The following TTLL1 variants were observed in gnomAD, a reference collection of about 807,000 sequenced individuals.
The protein encoded by TTLL1 is polyglutamylase complex subunit TTLL1.
TTLL1 carries 33 observed loss-of-function variants against 47.8 expected under a neutral mutation model. That is an observed-to-expected ratio of 0.69 (90% CI 0.52 to 0.92). TTLL1 has a LOEUF of 0.92. TTLL1 is among the 40% of genes least tolerant of loss of function. The pLI is 0.00. For synonymous variants in TTLL1, 225 were observed against 214.1 expected, an observed-to-expected ratio of 1.05 and a Z score of -0.45; for missense variants, 488 against 547.5, an observed-to-expected ratio of 0.89 and a Z score of 1.08.
At chr22:43,088,324 CTTTTTTTTTTTTT>C (rs1167618669) in intron 1 of TTLL1, among the ~76,000 whole-genome samples, 708 of 56,506 alleles carry the variant, frequency 0.013, 16 homozygotes, top group African/African-American at 0.046. Flanking sequence ...AAGGGCCCAT[CTTTTTTTTTTTTT>C]TTTTTTTTTT....
chr22:43,054,646 A>G (rs1466937500), intron 8 of TTLL1, among the ~76,000 whole-genome samples: 1 of 148,700 alleles, frequency 6.7e-6, no homozygotes, highest in Non-Finnish European at 1.5e-5. Flanking sequence ...CTGGTCTCGA[A>G]CTCCTGACCT....
In TTLL1 at chr22:43,085,266, G is replaced by A. The variant is rs144911447; in HGVS notation, c.-90+4011C>T. Among the ~76,000 whole-genome samples, 333 of 152,250 alleles carry A rather than the reference G, an allele frequency of 2.2e-3. 2 individuals carry two copies. The highest frequency in any genetic ancestry group is 7.7e-3 in the African/African-American group (319 of 41,542). On this transcript the variant is annotated intron_variant, in intron 1 of 10. Transcript: ENST00000266254. ...GCTGGGATTACAGGTGTGAGCCACC[G>A]CGCCTGGCAAAGCTACCACTTATTA...
At chr22:43,076,057 G>T (rs1015039031) in intron 2 of TTLL1, among the ~76,000 whole-genome samples, 5 of 152,196 alleles carry the variant, frequency 3.3e-5, no homozygotes, top group Non-Finnish European at 7.3e-5. Context: ...CCCTCGGGCC[G>T]ACTTCCGATG....
chr22:43,063,343 T>A (rs1927508715), intron 7 of TTLL1, among the ~76,000 whole-genome samples: 2 of 152,164 alleles, frequency 1.3e-5, no homozygotes, highest in South Asian at 4.1e-4. Context: ...GCCCGCCTGA[T>A]GCCTAGAGCC....
At chr22:43,073,600 C>A (rs1331169414) in intron 3 of TTLL1, among the ~76,000 whole-genome samples, 2 of 151,878 alleles carry the variant, frequency 1.3e-5, no homozygotes, top group African/African-American at 2.4e-5. Flanking sequence ...AGGTGATGCA[C>A]CCGCCTTGGC....
At chr22:43,066,028 G>A (rs947494470) in intron 5 of TTLL1, among the ~76,000 whole-genome samples, 6 of 151,806 alleles carry the variant, frequency 4.0e-5, no homozygotes, top group African/African-American at 1.2e-4. Flanking sequence ...GTGTGGTGGC[G>A]GGTGCCTGTA....
intron 10 of TTLL1, among the ~76,000 whole-genome samples, chr22:43,043,593 C>T (rs568310114): frequency 8.5e-5 from 13 of 152,140 alleles, no homozygotes; most frequent in African/African-American, 2.4e-4. Context: ...CTGTGGGCTC[C>T]GGAACTCTCT....
At chr22:43,060,212 G>C (rs991838164) in intron 7 of TTLL1, among the ~76,000 whole-genome samples, 1 of 152,160 alleles carries the variant, frequency 6.6e-6, no homozygotes, top group Non-Finnish European at 1.5e-5. Flanking sequence ...GAGTGCTGCC[G>C]GGATACCCTT....
intron 2 of TTLL1, among the ~76,000 whole-genome samples, chr22:43,079,548 C>G (rs1342765358): frequency 6.6e-6 from 1 of 152,228 alleles, no homozygotes; most frequent in Non-Finnish European, 1.5e-5. Flanking sequence ...GGACCACCCC[C>G]CAACCACCGC....
rs1164726607 is a variant in TTLL1 at position 43,064,281 on chromosome 22, AG to A, written c.546del (p.Tyr183IlefsTer7). On this transcript the variant is annotated frameshift_variant, in exon 6 of 11. Transcript: ENST00000266254. LOFTEE classifies it high-confidence loss of function. ...QSNKEAYVIS[L>X]YINNPLLIGG... ...CCAATTAGTAACGGGTTGTTAATAT[AG>A]AGAGAGATCACGTAGGCTTCCTTAT... The A allele has an allele frequency of 6.2e-7, 1 of 1,614,114 alleles. No individual in the cohort carries two copies. The highest frequency in any genetic ancestry group is 2.2e-5 in the East Asian group (1 of 44,888).
At chr22:43,056,543 G>A (rs1927025023) in intron 8 of TTLL1, among the ~76,000 whole-genome samples, 2 of 149,936 alleles carry the variant, frequency 1.3e-5, no homozygotes, top group South Asian at 4.2e-4. Context: ...AGCACTTTTG[G>A]GAGGTCCAGG....
chr22:43,077,096 A>G (rs1206227960), intron 2 of TTLL1, among the ~76,000 whole-genome samples: 2 of 151,814 alleles, frequency 1.3e-5, no homozygotes, highest in Middle Eastern at 3.4e-3. Flanking sequence ...GTGAGACTCC[A>G]CCTCAAAAAA....
intron 7 of TTLL1, among the ~76,000 whole-genome samples, chr22:43,060,847 A>G (rs1927345013): frequency 1.3e-5 from 2 of 152,224 alleles, no homozygotes; most frequent in Non-Finnish European, 2.9e-5. Flanking sequence ...CCAGCCTACT[A>G]ACTCTTCGAG....
intron 8 of TTLL1, among the ~76,000 whole-genome samples, chr22:43,053,628 C>T (rs995334784): frequency 1.6e-4 from 24 of 152,192 alleles, no homozygotes; most frequent in African/African-American, 5.5e-4. Flanking sequence ...GCACCAGGCC[C>T]CTCCCATGTG....
At chr22:43,077,454 T>C (rs1928582592) in intron 2 of TTLL1, among the ~76,000 whole-genome samples, 1 of 152,196 alleles carries the variant, frequency 6.6e-6, no homozygotes, top group Non-Finnish European at 1.5e-5. Flanking sequence ...TGGAGCTCTG[T>C]ATCAAGCATC....
At position 43,051,917 on chromosome 22, in the gene TTLL1, G is replaced by A. The variant is rs1182112029; in HGVS notation, c.892-30C>T. The A allele has an allele frequency of 3.1e-6, 5 of 1,607,836 alleles. No individual in the cohort carries two copies. The African/African-American group carries it at 4.0e-5, about 13-fold the overall frequency. ...AGAGAGAGTGACCAGTGGGTGACAT[G>A]GCCAGCATCGAAGGGCGCAGCCGAG... On this transcript the variant is annotated intron_variant, in intron 8 of 10. Transcript: ENST00000266254.
intron 3 of TTLL1, among the ~76,000 whole-genome samples, chr22:43,074,414 C>T (rs542791397): frequency 3.5e-5 from 4 of 113,140 alleles, no homozygotes; most frequent in Non-Finnish European, 4.9e-5. Context: ...GTGACAGGAG[C>T]GAAATTTCGT....
chr22:43,053,985 G>A (rs1159693615), intron 8 of TTLL1, among the ~76,000 whole-genome samples: 2 of 152,202 alleles, frequency 1.3e-5, no homozygotes, highest in East Asian at 3.8e-4. Flanking sequence ...CCGATGAGCG[G>A]TATTTAACCC....
intron 7 of TTLL1, among the ~76,000 whole-genome samples, chr22:43,062,800 C>T (rs13056252): frequency 0.22 from 34,011 of 151,924 alleles, 4,476 homozygotes; most frequent in Middle Eastern, 0.36. Context: ...GCACTCTAGC[C>T]GGGGCAACAG....
Sources: allele counts gnomAD v4.1 joint callset (sites outside exome capture counted in the v4.1 genomes callset), GRCh38; gene constraint gnomAD v4.1.1; transcripts MANE v1.5; gene names NCBI Gene and HGNC (gene_info 2026-07-23, HGNC 2026-07-21).